Variants in ARHGEF7 observed in about 807,000 individuals in gnomAD.
ARHGEF7 encodes the protein Rho guanine nucleotide exchange factor 7.
In ARHGEF7, 33 loss-of-function variants were observed where a neutral mutation model predicts 109.8. That is an observed-to-expected ratio of 0.30 (90% CI 0.23 to 0.40). ARHGEF7 has a LOEUF of 0.40. ARHGEF7 is among the 10% of genes least tolerant of loss of function. The pLI, the probability that ARHGEF7 is intolerant of heterozygous loss-of-function variation, is 1.00. For missense variants in ARHGEF7, 938 were observed against 1,098.5 expected, an observed-to-expected ratio of 0.85 and a Z score of 2.07; for synonymous variants, 458 against 424.6, an observed-to-expected ratio of 1.08 and a Z score of -0.97.
chr13:111,169,418 G>T (rs566061971), intron 2 of ARHGEF7, among the ~76,000 whole-genome samples: 1 of 152,140 alleles, frequency 6.6e-6, no homozygotes, highest in East Asian at 1.9e-4. Flanking sequence ...AAGCAGGCTC[G>T]TCTTAACTGG....
chr13:111,293,343 A>G (rs2153628620), intron 19 of ARHGEF7: 2 of 985,292 alleles, frequency 2.0e-6, no homozygotes, highest in East Asian at 1.1e-4. Context: ...CTCCATTTAC[A>G]GCAACCCCAT....
intron 2 of ARHGEF7, among the ~76,000 whole-genome samples, chr13:111,192,760 C>T (rs996011402): frequency 3.9e-5 from 6 of 152,162 alleles, no homozygotes; most frequent in African/African-American, 7.2e-5. Flanking sequence ...GGACCATTGT[C>T]GCTCTGTAAG....
intron 21 of ARHGEF7, among the ~76,000 whole-genome samples, chr13:111,302,251 C>T (rs890918144): frequency 6.6e-6 from 1 of 152,096 alleles, no homozygotes; most frequent in Admixed American, 6.5e-5. Context: ...GTCCTCTGCC[C>T]AGCTAGGCGA....
At chr13:111,188,558 C>T (rs1309347039) in intron 2 of ARHGEF7, among the ~76,000 whole-genome samples, 1 of 152,238 alleles carries the variant, frequency 6.6e-6, no homozygotes, top group Non-Finnish European at 1.5e-5. Flanking sequence ...AAAGAATGTG[C>T]TCCTTCAGGG....
At position 111,115,359 on chromosome 13, in the gene ARHGEF7, G is replaced by A; in HGVS notation, c.-168G>A. ...AAGGCGCCTGACAGCGGGCCGGGGC[G>A]CACGGAGAAGCGGGCCGGGCCGGAC... is the stretch of plus-strand genomic sequence containing the variant. On this transcript the variant is annotated 5_prime_UTR_variant, in exon 1 of 22. Coordinates refer to ENST00000646102, the MANE Select transcript of ARHGEF7 (RefSeq NM_001354046.2). 1 of 281,894 alleles carries A rather than the reference G, an allele frequency of 3.5e-6. No individual in the cohort carries two copies. Among genetic ancestry groups the A allele is most frequent in the Non-Finnish European group, 5.3e-6 (1 of 189,646 alleles). The allele number at this position is 281,894 out of a possible 1,614,324, so 17.5% of individuals were successfully genotyped here.
intron 5 of ARHGEF7, among the ~76,000 whole-genome samples, 176 bp downstream of exon 5, chr13:111,218,056 T>A (rs1226889310): frequency 2.6e-5 from 4 of 152,234 alleles, no homozygotes; most frequent in Admixed American, 6.5e-5. Context: ...GGCCCTGGCA[T>A]CAAGGGCTCT....
At chr13:111,259,162 G>A (rs969939283) in intron 8 of ARHGEF7, among the ~76,000 whole-genome samples, 4 of 152,306 alleles carry the variant, frequency 2.6e-5, no homozygotes, top group East Asian at 3.9e-4. Context: ...AGAACTCACC[G>A]TCCTGAAGGA....
chr13:111,187,486 G>A (rs942651), intron 2 of ARHGEF7, among the ~76,000 whole-genome samples: 76 of 152,294 alleles, frequency 5.0e-4, no homozygotes, highest in African/African-American at 1.7e-3. Flanking sequence ...TTTGTTGTGC[G>A]AACCAATAAT....
intron 3 of ARHGEF7, among the ~76,000 whole-genome samples, chr13:111,208,342 G>A (rs567473328): frequency 6.6e-6 from 1 of 152,230 alleles, no homozygotes; most frequent in African/African-American, 2.4e-5. Flanking sequence ...GCCTGGCCTC[G>A]TTTCTTTCTA....
chr13:111,276,760 T>C (rs1292184887), intron 12 of ARHGEF7, among the ~76,000 whole-genome samples: 2 of 152,210 alleles, frequency 1.3e-5, no homozygotes, highest in African/African-American at 4.8e-5. Context: ...AAGACTCTTT[T>C]CTCAAGGTGC....
At chr13:111,261,380 T>G (rs2091075180) in intron 8 of ARHGEF7, among the ~76,000 whole-genome samples, 1 of 152,180 alleles carries the variant, frequency 6.6e-6, no homozygotes, top group South Asian at 2.1e-4. Context: ...AAAGTCATTA[T>G]ATAATGATAA....
chr13:111,136,186 G>T (rs535428780), intron 1 of ARHGEF7, among the ~76,000 whole-genome samples: 5 of 152,254 alleles, frequency 3.3e-5, no homozygotes, highest in Admixed American at 3.3e-4. Flanking sequence ...TGTGCTCCTG[G>T]ATTCGGTTTG....
intron 19 of ARHGEF7, chr13:111,295,103 A>T: frequency 1.0e-6 from 1 of 982,218 alleles, no homozygotes; most frequent in Non-Finnish European, 1.2e-6. Flanking sequence ...TATGCATATT[A>T]TTGTTTGTGG....
At chr13:111,193,167 G>T (rs2080100836) in intron 2 of ARHGEF7, among the ~76,000 whole-genome samples, 2 of 152,172 alleles carry the variant, frequency 1.3e-5, no homozygotes, top group Admixed American at 1.3e-4. Flanking sequence ...GATGGCTTTG[G>T]GTATAAGTAC....
At chr13:111,265,622 A>T (rs938817725) in intron 8 of ARHGEF7, 1 of 456,624 alleles carries the variant, frequency 2.2e-6, no homozygotes, top group Non-Finnish European at 4.4e-6. Context: ...CAGCAGACAC[A>T]TTTGGGAGCC....
At chr13:111,156,542 G>A (rs2076350348) in intron 2 of ARHGEF7, among the ~76,000 whole-genome samples, 1 of 152,186 alleles carries the variant, frequency 6.6e-6, no homozygotes, top group African/African-American at 2.4e-5. Context: ...TGTGTTTTTT[G>A]GGAAGTTACC....
chr13:111,217,579 G>T, intron 4 of ARHGEF7, 100 bp from the exon 5 acceptor site: 1 of 1,133,016 alleles, frequency 8.8e-7, no homozygotes, highest in South Asian at 1.4e-5. Context: ...TCTACTGTTG[G>T]GCAATTATGC....
intron 2 of ARHGEF7, chr13:111,159,094 G>C: frequency 1.4e-6 from 1 of 717,912 alleles, no homozygotes; most frequent in Non-Finnish European, 2.6e-6. Flanking sequence ...GCTTCTGTGA[G>C]TTCAGCTTTT....
At chr13:111,120,075 C>A (rs931896324) in intron 1 of ARHGEF7, among the ~76,000 whole-genome samples, 3 of 152,110 alleles carry the variant, frequency 2.0e-5, no homozygotes, top group Non-Finnish European at 4.4e-5. Context: ...ACTAAACTAC[C>A]CTGAATATGG....
Sources: gnomAD v4.1 joint callset for allele counts (sites outside exome capture counted in the v4.1 genomes callset) on GRCh38, gnomAD v4.1.1 for gene constraint, MANE v1.5 for transcripts, NCBI Gene and HGNC (gene_info 2026-07-23, HGNC 2026-07-21) for gene names.